The following POLR3B variants were observed in gnomAD, a reference collection of about 807,000 sequenced individuals.
The protein encoded by POLR3B is DNA-directed RNA polymerase III subunit RPC2.
A neutral mutation model predicts 147.4 loss-of-function variants in POLR3B; 96 were observed. The observed-to-expected ratio is 0.65, with a 90% CI of 0.55 to 0.77. The LOEUF (loss-of-function observed/expected upper bound fraction) is 0.77. POLR3B is among the 30% of genes least tolerant of loss of function. The pLI is 0.00. For synonymous variants in POLR3B, 461 were observed against 485.9 expected, an observed-to-expected ratio of 0.95 and a Z score of 0.67; for missense variants, 1,036 against 1,413.5, an observed-to-expected ratio of 0.73 and a Z score of 4.28.
chr12:106,398,060 G>A (rs7315733), intron 10 of POLR3B, among the ~76,000 whole-genome samples: 2,473 of 152,332 alleles, frequency 0.016, 67 homozygotes, highest in African/African-American at 0.057. Context: ...AAGCACAAGG[G>A]GTCAGGGAAT....
intron 9 of POLR3B, among the ~76,000 whole-genome samples, chr12:106,385,550 A>G (rs1251748554): frequency 7.2e-5 from 11 of 152,352 alleles, no homozygotes; most frequent in African/African-American, 1.9e-4. Context: ...TTTGGGTATA[A>G]GCCTCAGAGG....
intron 19 of POLR3B, chr12:106,446,415 CACAAA>C: frequency 7.8e-6 from 1 of 127,538 alleles, no homozygotes; most frequent in Non-Finnish European, 1.5e-5. Context: ...CTCCTCTCCC[CACAAA>C]AAAAAAAAAA....
chr12:106,376,296 T>A, intron 6 of POLR3B, 63 bp from the exon 7 acceptor site: 2 of 1,143,404 alleles, frequency 1.7e-6, no homozygotes, highest in Non-Finnish European at 2.6e-6. Context: ...TGTTTTGTAT[T>A]TTTTGCAGCT....
In POLR3B at chr12:106,398,720, C is replaced by A. The variant is rs539159317; in HGVS notation, c.846+5567C>A. On this transcript the variant is annotated intron_variant, in intron 10 of 27. Coordinates refer to ENST00000228347, the MANE Select transcript of POLR3B (RefSeq NM_018082.6). Reference sequence around the variant, plus strand: ...CCACCATTGCTGACACCCAGGCAAACAGGGTCTGGAGTGGACCTCTAGCAA... The same window carrying A: ...CCACCATTGCTGACACCCAGGCAAAAAGGGTCTGGAGTGGACCTCTAGCAA... Among the ~76,000 whole-genome samples the A allele has an allele frequency of 2.6e-5, 4 of 152,324 alleles. No homozygotes were observed. In the South Asian group the frequency reaches 8.3e-4, roughly 32 times the overall value.
At chr12:106,502,017 A>G (rs937085307) in intron 26 of POLR3B, among the ~76,000 whole-genome samples, 2 of 152,226 alleles carry the variant, frequency 1.3e-5, no homozygotes, top group African/African-American at 4.8e-5. Context: ...AGAGAATTAT[A>G]GCTACTAAGT....
intron 11 of POLR3B, among the ~76,000 whole-genome samples, chr12:106,408,725 C>T (rs1436374693): frequency 6.6e-6 from 1 of 152,098 alleles, no homozygotes; most frequent in African/African-American, 2.4e-5. Flanking sequence ...GGTTAGTATC[C>T]CACAAAGGAG....
chr12:106,446,431 A>AAG (rs1228972897), intron 19 of POLR3B: 103 of 344,734 alleles, frequency 3.0e-4, no homozygotes, highest in African/African-American at 1.9e-3. Context: ...AAAAAAAAAA[A>AAG]AAAAGAAAAG....
At chr12:106,381,005 A>G (rs957134152) in intron 9 of POLR3B, among the ~76,000 whole-genome samples, 3 of 152,236 alleles carry the variant, frequency 2.0e-5, no homozygotes, top group African/African-American at 7.2e-5. Flanking sequence ...CAATAGCGTT[A>G]TGTATAAAAA....
In POLR3B at chr12:106,405,390, A is replaced by C. The variant is rs143925667; in HGVS notation, c.847-467A>C. 1.1e-3 allele frequency among the ~76,000 whole-genome samples: 161 copies of C among 152,106 alleles called. 2 individuals carry two copies. Among genetic ancestry groups the C allele is most frequent in the African/African-American group, 3.8e-3 (157 of 41,488 alleles). On this transcript the variant is annotated intron_variant, in intron 10 of 27. Transcript: ENST00000228347. ...ACGAACATGTCATGACCCTTAATTT[A>C]TTTAGGTTTTGTTTTCTGTCAGCAC...
chr12:106,377,606 C>G (rs1462761679), intron 7 of POLR3B, among the ~76,000 whole-genome samples: 1 of 152,126 alleles, frequency 6.6e-6, no homozygotes, highest in Non-Finnish European at 1.5e-5. Flanking sequence ...TAAATTTGAG[C>G]TTATATTGAA....
chr12:106,375,134 A>G (rs1213759825), intron 6 of POLR3B, among the ~76,000 whole-genome samples: 2 of 152,202 alleles, frequency 1.3e-5, no homozygotes, highest in East Asian at 1.9e-4. Flanking sequence ...CTTCAAGCAC[A>G]TTGGTTGTGT....
At chr12:106,492,129 A>T (rs565491159) in intron 23 of POLR3B, among the ~76,000 whole-genome samples, 1 of 152,062 alleles carries the variant, frequency 6.6e-6, no homozygotes. Flanking sequence ...AGAATGTGTT[A>T]ATTTTTCTTA....
intron 10 of POLR3B, among the ~76,000 whole-genome samples, chr12:106,405,520 C>G (rs1405166825): frequency 7.0e-6 from 1 of 142,380 alleles, no homozygotes; most frequent in Non-Finnish European, 1.5e-5. Flanking sequence ...GGGTGAAGGA[C>G]TGATGGCTGC....
intron 23 of POLR3B, among the ~76,000 whole-genome samples, chr12:106,482,784 T>C (rs1412407767): frequency 6.6e-6 from 1 of 152,214 alleles, no homozygotes; most frequent in Non-Finnish European, 1.5e-5. Context: ...TTGCATATAA[T>C]ATGGTATCCA....
intron 23 of POLR3B, among the ~76,000 whole-genome samples, chr12:106,469,427 T>C (rs920738148): frequency 2.0e-5 from 3 of 152,196 alleles, no homozygotes; most frequent in Admixed American, 6.5e-5. Context: ...TGTCTTTTAA[T>C]TGGGGCATTT....
intron 22 of POLR3B, among the ~76,000 whole-genome samples, chr12:106,462,270 C>T (rs536963835): frequency 1.4e-4 from 22 of 152,194 alleles, no homozygotes; most frequent in East Asian, 1.4e-3. Context: ...CTTTTTGAGA[C>T]GGAGTCTCGC....
intron 25 of POLR3B, among the ~76,000 whole-genome samples, chr12:106,497,922 T>G (rs1298706533): frequency 6.6e-6 from 1 of 152,248 alleles, no homozygotes; most frequent in Non-Finnish European, 1.5e-5. Flanking sequence ...ATAGTAATAC[T>G]ATTGCCTGTC....
At chr12:106,494,190 A>T (rs142786786) in intron 23 of POLR3B, among the ~76,000 whole-genome samples, 251 of 152,322 alleles carry the variant, frequency 1.6e-3, no homozygotes, top group African/African-American at 6.0e-3. Context: ...GAATTTGCTT[A>T]ATTAAATGTG....
intron 23 of POLR3B, among the ~76,000 whole-genome samples, chr12:106,469,269 CTTTTT>C (rs374922405): frequency 5.5e-5 from 7 of 128,428 alleles, no homozygotes; most frequent in African/African-American, 2.1e-4. Flanking sequence ...GCAACCCCTG[CTTTTT>C]TTTTTTTTTT....
Sources: allele counts gnomAD v4.1 joint callset (sites outside exome capture counted in the v4.1 genomes callset), GRCh38; gene constraint gnomAD v4.1.1; transcripts MANE v1.5; gene names NCBI Gene and HGNC (gene_info 2026-07-23, HGNC 2026-07-21).